Variants in CCDC174 observed in about 807,000 individuals in gnomAD.
CCDC174 encodes the protein coiled-coil domain containing 174, also known as coiled-coil domain-containing protein 174.
Under a neutral mutation model 57.1 loss-of-function variants are expected in CCDC174, and 37 were observed. The ratio of observed to expected loss-of-function variants is 0.65; its 90% CI spans 0.50 to 0.85. The LOEUF (loss-of-function observed/expected upper bound fraction) is 0.85. Among genes scored for constraint, CCDC174 ranks in the 40% least tolerant of loss-of-function variants. The probability of loss-of-function intolerance (pLI) is 0.00; values close to 1 mark genes in which losing one functional copy is unlikely to be tolerated. For missense variants in CCDC174, 540 were observed against 574.3 expected (o/e 0.94, Z 0.61); for synonymous variants, 182 against 190.2 (o/e 0.96, Z 0.35).
At chr3:14,666,077 G>A (rs2031328604) in intron 6 of CCDC174, among the ~76,000 whole-genome samples, 1 of 149,006 alleles carries the variant, frequency 6.7e-6, no homozygotes, top group Non-Finnish European at 1.5e-5. Context: ...AAGGGAGAAT[G>A]GAAACCTTTG....
chr3:14,659,172 G>A (rs73139845), intron 4 of CCDC174, among the ~76,000 whole-genome samples: 2,497 of 152,138 alleles, frequency 0.016, 31 homozygotes, highest in African/African-American at 0.039. Flanking sequence ...CTCTGTCTCT[G>A]CCCTCAAGGC....
chr3:14,657,578 G>A (rs528458388), intron 3 of CCDC174, among the ~76,000 whole-genome samples: 27 of 152,296 alleles, frequency 1.8e-4, no homozygotes, highest in African/African-American at 6.0e-4. Context: ...TTTGTAGTCT[G>A]TTCCTAACCC....
At chr3:14,663,246 A>G (rs558370395) in intron 5 of CCDC174, among the ~76,000 whole-genome samples, 13 of 152,236 alleles carry the variant, frequency 8.5e-5, no homozygotes, top group African/African-American at 1.9e-4. Context: ...GGCTTGAGCA[A>G]TCCTCCTGCC....
At chr3:14,652,762 C>T (rs1173944359) in intron 1 of CCDC174, among the ~76,000 whole-genome samples, 1 of 152,012 alleles carries the variant, frequency 6.6e-6, no homozygotes, top group Non-Finnish European at 1.5e-5. Context: ...ATTAGCCGGG[C>T]GTGGTGGTGC....
Position 14,671,417 on chromosome 3 carries a change from C to A in CCDC174, c.*223C>A. 1 of 530,142 alleles carries A rather than the reference C, an allele frequency of 1.9e-6. No individual in the cohort carries two copies. Among genetic ancestry groups the A allele is most frequent in the Non-Finnish European group, 3.3e-6 (1 of 300,192 alleles). 32.8% of individuals were successfully genotyped at this position (530,142 alleles called of 1,614,324 possible). A position where few individuals can be genotyped will look rare whatever the true frequency, so the allele number is the denominator to read the frequency against. The stretch of plus-strand genomic sequence containing the variant: ...ATAGGGACATACCTACCTGGATTTA[C>A]ATGTGAGCTGCGATAGAATAGAAGT... On this transcript the variant is annotated 3_prime_UTR_variant, in exon 11 of 11. Transcript: ENST00000383794.
intron 4 of CCDC174, 150 bp downstream of exon 4, chr3:14,659,079 G>A: frequency 1.3e-6 from 1 of 789,528 alleles, no homozygotes; most frequent in Admixed American, 3.4e-5. Flanking sequence ...AAGAAAATCA[G>A]CAATAATTTA....
In CCDC174 at chr3:14,670,965, C is replaced by A. The variant is rs375688410; in HGVS notation, c.1175C>A (p.Pro392Gln). The A allele has an allele frequency of 1.2e-6, 2 of 1,614,082 alleles. No individual in the cohort carries two copies. Among genetic ancestry groups the A allele is most frequent in the Non-Finnish European group, 1.7e-6 (2 of 1,179,990 alleles). The change falls in exon 11 of 11, where the codon CCG becomes CAG. Residue 392 changes from proline to glutamine, a missense_variant. Pro to Gln is a moderately conservative substitution (Grantham distance 76, BLOSUM62 -1). Transcript: ENST00000383794. ...LRAERDPEFAPPSDYFVGQKR... is the reference protein window; with the variant it reads ...LRAERDPEFAQPSDYFVGQKR... ...GCTGAGAGAGATCCTGAGTTTGCCC[C>A]GCCGTCAGATTACTTTGTGGGTCAG...
rs779543589 is a variant in CCDC174, at chr3:14,661,574, A to C, written c.352A>C (p.Ile118Leu). 4 of 1,614,164 alleles carry C rather than the reference A, an allele frequency of 2.5e-6. No homozygotes were observed. Among genetic ancestry groups the C allele is most frequent in the Non-Finnish European group, 3.4e-6 (4 of 1,179,994 alleles). Residue 118 changes from isoleucine (I) to leucine (L), a missense_variant, in exon 5 of 11, where the codon ATC (isoleucine) becomes CTC (leucine). By Grantham distance (5) the Ile-to-Leu change is conservative. Transcript: ENST00000383794. ...DMYLVDFTQK[I>L]IDKRKEMEAS... The stretch of plus-strand genomic sequence containing the variant: ...GTACCTTGTGGATTTCACACAGAAG[A>C]TCATAGACAAGCGCAAAGAAATGGA...
chr3:14,655,045 G>T (rs2124830343), intron 2 of CCDC174, among the ~76,000 whole-genome samples: 1 of 152,358 alleles, frequency 6.6e-6, no homozygotes, highest in Non-Finnish European at 1.5e-5. Flanking sequence ...GGCTGGGCGT[G>T]GTTCCCACGC....
intron 5 of CCDC174, among the ~76,000 whole-genome samples, chr3:14,662,334 C>T (rs946604864): frequency 6.8e-6 from 1 of 146,046 alleles, no homozygotes; most frequent in African/African-American, 2.6e-5. Context: ...TTTAACACCC[C>T]CCCGCCCCCC....
chr3:14,670,575 T>C (rs1038757584), intron 10 of CCDC174, among the ~76,000 whole-genome samples: 1 of 152,216 alleles, frequency 6.6e-6, no homozygotes, highest in Non-Finnish European at 1.5e-5. Flanking sequence ...CTTTTGTGTC[T>C]TCCAAAACTC....
chr3:14,654,105 G>A (rs759924458), intron 1 of CCDC174, among the ~76,000 whole-genome samples: 1 of 152,174 alleles, frequency 6.6e-6, no homozygotes, highest in Non-Finnish European at 1.5e-5. Flanking sequence ...GCTTAATAAT[G>A]CAAGTTTAAT....
At chr3:14,667,593 A>C in intron 8 of CCDC174, 75 bp downstream of exon 8, 3 of 1,050,342 alleles carry the variant, frequency 2.9e-6, no homozygotes. Flanking sequence ...CTGCAGAAAA[A>C]TCTAGTAAAT....
chr3:14,651,909 C>T (rs1559377929), intron 1 of CCDC174, 31 bp downstream of exon 1: 3 of 1,609,112 alleles, frequency 1.9e-6, no homozygotes, highest in South Asian at 1.1e-5. Flanking sequence ...ACTCCACGGG[C>T]TCCGGGTTCA....
intron 3 of CCDC174, among the ~76,000 whole-genome samples, chr3:14,656,066 CA>C (rs2030948324): frequency 6.6e-6 from 1 of 152,002 alleles, no homozygotes; most frequent in Non-Finnish European, 1.5e-5. Context: ...CTCTCTCTTA[CA>C]CACACACACG....
Position 14,670,886 on chromosome 3 carries a change from T to A in CCDC174, c.1106-10T>A, listed in dbSNP as rs144121914. 1,439 of 1,583,670 alleles carry A rather than the reference T, an allele frequency of 9.1e-4. 31 individuals are homozygous for A. The Admixed American group carries it at 0.025, about 27-fold the overall frequency. On this transcript the variant is annotated splice_polypyrimidine_tract_variant and intron_variant, in intron 10 of 10. Coordinates refer to ENST00000383794, the MANE Select transcript of CCDC174 (RefSeq NM_016474.5). ...TCAGTTCTAATAACTTTCTTTCTTA[T>A]TTTTACCAGAATTTTCCTTTGGATA...
At chr3:14,653,964 T>C (rs140823342) in intron 1 of CCDC174, among the ~76,000 whole-genome samples, 13 of 152,354 alleles carry the variant, frequency 8.5e-5, no homozygotes, top group Non-Finnish European at 1.5e-4. Flanking sequence ...TGTTACATTG[T>C]AGGCTCTTTG....
intron 4 of CCDC174, 96 bp from the exon 5 acceptor site, chr3:14,661,434 G>T: frequency 9.9e-7 from 1 of 1,007,116 alleles, no homozygotes; most frequent in South Asian, 1.6e-5. Flanking sequence ...GCTGTCAGGG[G>T]TGATGGGGCC....
chr3:14,659,358 T>C (rs977281489), intron 4 of CCDC174, among the ~76,000 whole-genome samples: 15 of 152,368 alleles, frequency 9.8e-5, no homozygotes, highest in African/African-American at 2.2e-4. Flanking sequence ...ATTTTCCCTC[T>C]ATTTTCAATT....
Sources: gnomAD v4.1 joint callset for allele counts (sites outside exome capture counted in the v4.1 genomes callset) on GRCh38, gnomAD v4.1.1 for gene constraint, MANE v1.5 for transcripts, NCBI Gene and HGNC (gene_info 2026-07-23, HGNC 2026-07-21) for gene names.